PDE3B: variants seen among roughly 807,000 people sequenced by gnomAD.
The protein encoded by PDE3B is phosphodiesterase 3B, also known as cGMP-inhibited 3',5'-cyclic phosphodiesterase 3B.
In PDE3B, 66 loss-of-function variants were observed where a neutral mutation model predicts 116.8. That is an observed-to-expected ratio of 0.56 (90% CI 0.46 to 0.69). The LOEUF is 0.69. Ranked by LOEUF, PDE3B falls within the 30% of genes least tolerant of loss-of-function variation. The pLI, the probability that PDE3B is intolerant of heterozygous loss-of-function variation, is 0.00. For synonymous variants in PDE3B, 595 were observed against 533.6 expected (o/e 1.12, Z -1.59); for missense variants, 1,384 against 1,368.1 (o/e 1.01, Z -0.18).
chr11:14,877,200 G>A, the PDE3B span, among the ~76,000 whole-genome samples: 1 of 152,064 alleles, frequency 6.6e-6, no homozygotes, highest in Non-Finnish European at 1.5e-5. Context: ...TTGTTGTCCT[G>A]ACATAATTAT....
At chr11:14,710,654 T>C (rs1855674965) in intron 1 of PDE3B, among the ~76,000 whole-genome samples, 1 of 151,984 alleles carries the variant, frequency 6.6e-6, no homozygotes, top group Admixed American at 6.6e-5. Context: ...ATAATGAAGC[T>C]AAGGAGAAGC....
At chr11:14,666,026 C>T (rs1854131790) in intron 1 of PDE3B, among the ~76,000 whole-genome samples, 1 of 152,084 alleles carries the variant, frequency 6.6e-6, no homozygotes, top group Non-Finnish European at 1.5e-5. Flanking sequence ...TACCTGACTT[C>T]AAACTATACT....
At chr11:14,853,090 G>T (rs1847786439) in intron 12 of PDE3B, among the ~76,000 whole-genome samples, 1 of 140,574 alleles carries the variant, frequency 7.1e-6, no homozygotes, top group Admixed American at 7.5e-5. Flanking sequence ...CTTTCTGAGA[G>T]TGTTTGCACT....
At chr11:14,681,017 C>A (rs1348992054) in intron 1 of PDE3B, among the ~76,000 whole-genome samples, 1 of 152,072 alleles carries the variant, frequency 6.6e-6, no homozygotes, top group African/African-American at 2.4e-5. Context: ...ATATTGTAAG[C>A]CAAAAACATA....
chr11:14,660,496 G>T (rs543681041), intron 1 of PDE3B, among the ~76,000 whole-genome samples: 1 of 151,314 alleles, frequency 6.6e-6, no homozygotes, highest in Non-Finnish European at 1.5e-5. Context: ...TAGAGATGAG[G>T]TTTTGCTGTG....
chr11:14,864,277 CAATACA>C (rs1555007727), intron 14 of PDE3B, among the ~76,000 whole-genome samples: 1 of 152,034 alleles, frequency 6.6e-6, no homozygotes, highest in Non-Finnish European at 1.5e-5. Context: ...TATATGCACC[CAATACA>C]GGAGCACCCA....
At chr11:14,713,718 ACACACACACT>A (rs1467149772) in intron 1 of PDE3B, among the ~76,000 whole-genome samples, 1 of 150,774 alleles carries the variant, frequency 6.6e-6, no homozygotes, top group African/African-American at 2.4e-5. Context: ...ACACACACAC[ACACACACACT>A]CACACACATA....
At chr11:14,893,355 T>G in the PDE3B span, among the ~76,000 whole-genome samples, 1 of 152,238 alleles carries the variant, frequency 6.6e-6, no homozygotes, top group African/African-American at 2.4e-5. Flanking sequence ...GAAAGTCTTA[T>G]TAGGAAGATG....
At chr11:14,668,706 C>G (rs1286127668) in intron 1 of PDE3B, among the ~76,000 whole-genome samples, 5 of 152,172 alleles carry the variant, frequency 3.3e-5, no homozygotes, top group African/African-American at 1.2e-4. Context: ...ACAATCCTGT[C>G]TGTCTGCTTT....
chr11:14,721,637 A>G (rs1290697599), intron 1 of PDE3B, among the ~76,000 whole-genome samples: 1 of 147,288 alleles, frequency 6.8e-6, no homozygotes, highest in Non-Finnish European at 1.5e-5. Flanking sequence ...ACATGGATGA[A>G]ATTGGAAACC....
chr11:14,721,585 T>C (rs1856085258), intron 1 of PDE3B, among the ~76,000 whole-genome samples: 1 of 150,628 alleles, frequency 6.6e-6, no homozygotes, highest in Admixed American at 6.6e-5. Flanking sequence ...CATGGAATAC[T>C]ATGCAGCCAT....
chr11:14,891,134 C>G, the PDE3B span: 1 of 985,354 alleles, frequency 1.0e-6, no homozygotes, highest in Non-Finnish European at 1.2e-6. Context: ...CTGCCCCCTC[C>G]GGACGTCGGG....
At chr11:14,761,490 C>A (rs906857692) in intron 1 of PDE3B, among the ~76,000 whole-genome samples, 15 of 152,038 alleles carry the variant, frequency 9.9e-5, no homozygotes, top group African/African-American at 3.6e-4. Flanking sequence ...TTTACATGAA[C>A]AATTAGTATT....
At chr11:14,811,610 G>C (rs925739158) in intron 5 of PDE3B, among the ~76,000 whole-genome samples, 2 of 151,986 alleles carry the variant, frequency 1.3e-5, no homozygotes, top group African/African-American at 4.8e-5. Flanking sequence ...CTTAGGATTG[G>C]CTTGGCGATG....
At chr11:14,680,050 T>C (rs1414695562) in intron 1 of PDE3B, among the ~76,000 whole-genome samples, 1 of 152,158 alleles carries the variant, frequency 6.6e-6, no homozygotes, top group Non-Finnish European at 1.5e-5. Flanking sequence ...CCATTGCCTC[T>C]GGAGGGAAAA....
chr11:14,887,376 C>G, the PDE3B span: 1 of 153,622 alleles, frequency 6.5e-6, no homozygotes, highest in African/African-American at 2.4e-5. Context: ...CTGAAATAGT[C>G]CTCTATTTGA....
the PDE3B span, chr11:14,880,504 A>G: frequency 2.5e-6 from 4 of 1,613,564 alleles, no homozygotes; most frequent in South Asian, 1.1e-5. Context: ...AAATAACTCA[A>G]TCATGTGCTG....
chr11:14,774,381 C>T (rs1490041676), intron 2 of PDE3B: 1 of 152,104 alleles, frequency 6.6e-6, no homozygotes, highest in Non-Finnish European at 1.5e-5. Flanking sequence ...GTACTTAATA[C>T]AAATGTGGGC....
At chr11:14,777,774 G>T (rs1857832243) in intron 2 of PDE3B, among the ~76,000 whole-genome samples, 1 of 152,160 alleles carries the variant, frequency 6.6e-6, no homozygotes, top group African/African-American at 2.4e-5. Flanking sequence ...GAGGTACTGG[G>T]TTCATCTCTC....
Sources: gnomAD v4.1 joint callset for allele counts (sites outside exome capture counted in the v4.1 genomes callset) on GRCh38, gnomAD v4.1.1 for gene constraint, MANE v1.5 for transcripts, NCBI Gene and HGNC (gene_info 2026-07-23, HGNC 2026-07-21) for gene names.